GASK1B: variants seen among roughly 807,000 people sequenced by gnomAD.
The protein encoded by GASK1B is Golgi-associated kinase 1B.
GASK1B carries 34 observed loss-of-function variants against 42.8 expected under a neutral mutation model. That is an observed-to-expected ratio of 0.79 (90% CI 0.60 to 1.06). The LOEUF (loss-of-function observed/expected upper bound fraction) is 1.06. Ranked by LOEUF, GASK1B falls within the 50% of genes least tolerant of loss-of-function variation. The probability of loss-of-function intolerance (pLI) is 0.00; values close to 1 mark genes in which losing one functional copy is unlikely to be tolerated. For missense variants in GASK1B, 686 were observed against 661.0 expected (o/e 1.04, Z -0.42); for synonymous variants, 262 against 259.1 (o/e 1.01, Z -0.11).
At chr4:158,133,373 C>T (rs531726206) in intron 3 of GASK1B, among the ~76,000 whole-genome samples, 1 of 152,044 alleles carries the variant, frequency 6.6e-6, no homozygotes, top group African/African-American at 2.4e-5. Context: ...TTGAATATAA[C>T]CCGTAAAGAA....
In GASK1B at chr4:158,155,698, A is replaced by G. The variant is rs775733826; in HGVS notation, c.1038T>C (p.Asn346=). ...CCGATTCAGGCTTGGGTACTCGGCC[A>G]TTCTGCCAGCATTTCTGTTTCAGCA... ...QQLLKQKCWQ[N]GRVPKPESGC... is the part of the protein sequence containing the mutation. Residue 346 remains asparagine (N), a synonymous_variant, in exon 3 of 5, where the codon AAT becomes AAC. Transcript: ENST00000585682. The G allele has an allele frequency of 6.2e-7, 1 of 1,613,962 alleles. No individual in the cohort carries two copies. Among genetic ancestry groups the G allele is most frequent in the Non-Finnish European group, 8.5e-7 (1 of 1,179,846 alleles).
rs1445651946 is a variant in GASK1B, at chr4:158,130,948, T to C, written c.1190A>G (p.Gln397Arg). Reference sequence around the variant, plus strand: ...ATCACATTTTGGCCTCAATCCATTCTGTACACAGGCATCTTCCTTGCGAGG... The same window carrying C: ...ATCACATTTTGGCCTCAATCCATTCCGTACACAGGCATCTTCCTTGCGAGG... ...FRPRKEDACV[Q>R]NGLRPKCDDQ... is the part of the protein sequence containing the mutation. The change falls in exon 4 of 5, where the codon CAG (glutamine) becomes CGG (arginine). Residue 397 changes from glutamine to arginine, a missense_variant. Physicochemically the swap from Gln to Arg is conservative, Grantham distance 43. Coordinates refer to ENST00000585682, the MANE Select transcript of GASK1B (RefSeq NM_001128424.2). The C allele has an allele frequency of 6.2e-7, 1 of 1,614,120 alleles. No homozygotes were observed. Among genetic ancestry groups the C allele is most frequent in the South Asian group, 1.1e-5 (1 of 91,084 alleles).
At chr4:158,165,712 T>C (rs1732204246) in intron 2 of GASK1B, among the ~76,000 whole-genome samples, 1 of 152,138 alleles carries the variant, frequency 6.6e-6, no homozygotes, top group Non-Finnish European at 1.5e-5. Flanking sequence ...ATTTGTGAGG[T>C]AGTGTGGGTT....
chr4:158,135,501 A>C (rs1730854255), intron 3 of GASK1B, among the ~76,000 whole-genome samples: 1 of 152,016 alleles, frequency 6.6e-6, no homozygotes, highest in African/African-American at 2.4e-5. Flanking sequence ...AGTAACCTTA[A>C]GACATAGGTG....
chr4:158,128,411 A>G (rs4345228), intron 4 of GASK1B, among the ~76,000 whole-genome samples: 121,594 of 152,126 alleles, frequency 0.8, 49,254 homozygotes, highest in East Asian at 0.94. Flanking sequence ...TCCAGCATAT[A>G]CATTATCTGA....
chr4:158,138,345 G>C (rs1730984764), intron 3 of GASK1B, among the ~76,000 whole-genome samples: 1 of 151,926 alleles, frequency 6.6e-6, no homozygotes, highest in African/African-American at 2.4e-5. Flanking sequence ...GATTTAAAAA[G>C]AACACTCAGA....
intron 3 of GASK1B, among the ~76,000 whole-genome samples, chr4:158,135,298 G>A (rs1332034968): frequency 2.1e-5 from 3 of 141,834 alleles, no homozygotes; most frequent in Non-Finnish European, 4.5e-5. Flanking sequence ...TCCAGCGTGG[G>A]CGACAGGGTG....
chr4:158,141,313 A>C (rs1171760809), intron 3 of GASK1B, among the ~76,000 whole-genome samples: 3 of 151,884 alleles, frequency 2.0e-5, no homozygotes, highest in Non-Finnish European at 2.9e-5. Flanking sequence ...CATGTTCATT[A>C]CAGAGGCATA....
chr4:158,132,475 C>A (rs1482226034), intron 3 of GASK1B, among the ~76,000 whole-genome samples: 1 of 152,080 alleles, frequency 6.6e-6, no homozygotes, highest in East Asian at 1.9e-4. Flanking sequence ...CAAATGTTAC[C>A]CATGGTCAGC....
intron 2 of GASK1B, among the ~76,000 whole-genome samples, chr4:158,157,908 G>T (rs1345139262): frequency 6.6e-6 from 1 of 151,944 alleles, no homozygotes. Context: ...AAAATGTATA[G>T]CTAAGAAAAT....
chr4:158,138,291 C>T (rs1730982849), intron 3 of GASK1B, among the ~76,000 whole-genome samples: 1 of 152,062 alleles, frequency 6.6e-6, no homozygotes, highest in South Asian at 2.1e-4. Context: ...AGCAGAGATA[C>T]ATGAAAATAG....
chr4:158,140,747 G>T (rs1343874930), intron 3 of GASK1B, among the ~76,000 whole-genome samples: 1 of 152,126 alleles, frequency 6.6e-6, no homozygotes, highest in Non-Finnish European at 1.5e-5. Context: ...AATCTCAAAT[G>T]GTTATTTATG....
At chr4:158,134,726 T>A (rs548217775) in intron 3 of GASK1B, among the ~76,000 whole-genome samples, 2 of 152,330 alleles carry the variant, frequency 1.3e-5, no homozygotes, top group Non-Finnish European at 2.9e-5. Flanking sequence ...TTCTAAAGTT[T>A]TTTTTAATTC....
chr4:158,147,907 T>C (rs980943283), intron 3 of GASK1B, among the ~76,000 whole-genome samples: 2 of 152,100 alleles, frequency 1.3e-5, no homozygotes, highest in African/African-American at 2.4e-5. Context: ...GAAAGTAAAA[T>C]ATAAATAATC....
chr4:158,155,548 T>C, intron 3 of GASK1B, 63 bp downstream of exon 3: 1 of 1,335,586 alleles, frequency 7.5e-7, no homozygotes, highest in South Asian at 1.3e-5. Context: ...CATTCCTTAG[T>C]GTCAGGCTAA....
At chr4:158,142,968 G>A (rs891944775) in intron 3 of GASK1B, among the ~76,000 whole-genome samples, 2 of 152,016 alleles carry the variant, frequency 1.3e-5, no homozygotes, top group African/African-American at 4.8e-5. Context: ...ACAAAGTGTG[G>A]GCATTATTTA....
intron 2 of GASK1B, chr4:158,170,199 A>G: frequency 6.3e-7 from 1 of 1,596,970 alleles, no homozygotes. Context: ...GCCACTGGGA[A>G]GTGAAGCGAG....
chr4:158,131,900 T>C (rs952603494), intron 3 of GASK1B, among the ~76,000 whole-genome samples: 2 of 152,118 alleles, frequency 1.3e-5, no homozygotes, highest in African/African-American at 4.8e-5. Context: ...GGTAGAAAGA[T>C]TGATGAAAAT....
rs765111536 is a variant in GASK1B at position 158,155,581 on chromosome 4, A to T, written c.1125+30T>A. 1.9e-6 allele frequency: 3 copies of T among 1,580,934 alleles called. No individual in the cohort carries two copies. The East Asian group carries it at 6.7e-5, about 35-fold the overall frequency. ...TAATATAACTCAGCGCCAGTCTTAG[A>T]TAACTATTTGCTTGATTTGATAAAC... On this transcript the variant is annotated intron_variant, in intron 3 of 4. Transcript: ENST00000585682.
Sources: allele counts gnomAD v4.1 joint callset (sites outside exome capture counted in the v4.1 genomes callset), GRCh38; gene constraint gnomAD v4.1.1; transcripts MANE v1.5; gene names NCBI Gene and HGNC (gene_info 2026-07-23, HGNC 2026-07-21).